The following PMEPA1 variants were observed in gnomAD, a reference collection of about 807,000 sequenced individuals.
The protein encoded by PMEPA1 is protein TMEPAI.
In PMEPA1, 11 loss-of-function variants were observed where a neutral mutation model predicts 23.0. That is an observed-to-expected ratio of 0.48 (90% CI 0.30 to 0.79). PMEPA1 has a LOEUF of 0.79. Ranked by LOEUF, PMEPA1 falls within the 30% of genes least tolerant of loss-of-function variation. The pLI is 0.06. For synonymous variants in PMEPA1, 204 were observed against 166.4 expected, an observed-to-expected ratio of 1.23 and a Z score of -1.74; for missense variants, 377 against 390.9, an observed-to-expected ratio of 0.96 and a Z score of 0.30.
rs1463517682 is a variant in PMEPA1 at position 57,653,083 on chromosome 20, C to T, written c.268G>A (p.Gly90Arg). The T allele has an allele frequency of 6.3e-7, 1 of 1,585,166 alleles. No individual in the cohort carries two copies. The highest frequency in any genetic ancestry group is 8.6e-7 in the Non-Finnish European group (1 of 1,165,140). The change falls in exon 3 of 4, where the codon GGA (glycine) becomes AGA (arginine). Residue 90 changes from glycine (G) to arginine (R), a missense_variant. Gly to Arg is a moderately radical substitution (Grantham distance 125). Coordinates refer to ENST00000341744, the MANE Select transcript of PMEPA1 (RefSeq NM_020182.5). ...RRREDALSSE[G>R]CLWPSESTVS... is the part of the protein sequence containing the mutation. ...GTGCTCTCCGAGGGCCACAGGCATCCTTCCTGCACAGGAAGAAACGTACAA... is the reference window on the plus strand; with the variant it reads ...GTGCTCTCCGAGGGCCACAGGCATCTTTCCTGCACAGGAAGAAACGTACAA...
intron 1 of PMEPA1, among the ~76,000 whole-genome samples, chr20:57,707,309 C>G (rs1350800656): frequency 6.6e-6 from 1 of 152,202 alleles, no homozygotes; most frequent in Non-Finnish European, 1.5e-5. Context: ...CACTTCCTCA[C>G]CCTAGTCTCT....
At chr20:57,702,757 C>G (rs961651841) in intron 1 of PMEPA1, among the ~76,000 whole-genome samples, 31 of 152,200 alleles carry the variant, frequency 2.0e-4, no homozygotes, top group African/African-American at 7.5e-4. Flanking sequence ...CAGATTGGTG[C>G]AATAGCTCTC....
intron 1 of PMEPA1, among the ~76,000 whole-genome samples, chr20:57,675,587 G>T (rs2071625890): frequency 6.6e-6 from 1 of 152,226 alleles, no homozygotes; most frequent in Non-Finnish European, 1.5e-5. Context: ...CGGTTTGGGG[G>T]AGGAGGGTCT....
intron 1 of PMEPA1, among the ~76,000 whole-genome samples, chr20:57,686,297 C>T (rs1011341554): frequency 2.0e-5 from 3 of 152,228 alleles, no homozygotes; most frequent in Non-Finnish European, 4.4e-5. Flanking sequence ...TTCACTCCAG[C>T]GACCTTTCTC....
intron 1 of PMEPA1, chr20:57,700,305 C>T: frequency 2.8e-6 from 1 of 360,396 alleles, no homozygotes; most frequent in Non-Finnish European, 5.6e-6. Context: ...CCACTTCCAC[C>T]AACTGTCAAA....
chr20:57,696,884 C>T (rs1568683951), intron 1 of PMEPA1, among the ~76,000 whole-genome samples: 1 of 152,228 alleles, frequency 6.6e-6, no homozygotes, highest in South Asian at 2.1e-4. Context: ...TCCGTTTACA[C>T]CCCTGATTTT....
chr20:57,689,366 T>C (rs2146694543), intron 1 of PMEPA1, among the ~76,000 whole-genome samples: 1 of 152,210 alleles, frequency 6.6e-6, no homozygotes, highest in South Asian at 2.1e-4. Flanking sequence ...GAAGGGGGTA[T>C]TGTGTGACCA....
At chr20:57,693,176 A>G (rs1367772978) in intron 1 of PMEPA1, among the ~76,000 whole-genome samples, 1 of 152,194 alleles carries the variant, frequency 6.6e-6, no homozygotes, top group Non-Finnish European at 1.5e-5. Context: ...AGGATCTCAC[A>G]TTCCAGCCGA....
chr20:57,698,870 C>T (rs1302421120), intron 1 of PMEPA1, among the ~76,000 whole-genome samples: 1 of 152,120 alleles, frequency 6.6e-6, no homozygotes, highest in African/African-American at 2.4e-5. Flanking sequence ...ATTTTTTATT[C>T]CTTAAATGTA....
Position 57,651,245 on chromosome 20 carries a change from T to G in PMEPA1, c.*808A>C, listed in dbSNP as rs2071223262. On this transcript the variant is annotated 3_prime_UTR_variant, in exon 4 of 4. Transcript: ENST00000341744. ...GATAACCTGTCACTAGGCAGAAGCA[T>G]CCACTCTGCAGGGACAGTGGCCCCT... 1 of 152,364 alleles carries G rather than the reference T, an allele frequency of 6.6e-6. No individual in the cohort carries two copies. The allele number at this position is 152,364 out of a possible 1,614,324, so 9.4% of individuals were successfully genotyped here.
At chr20:57,710,702 G>A (rs2072169335), upstream of PMEPA1, 2 of 473,338 alleles carry the variant, frequency 4.2e-6, no homozygotes, top group African/African-American at 2.0e-5. Context: ...GCTGCCCAAG[G>A]GGCCTCCGGC....
intron 2 of PMEPA1, among the ~76,000 whole-genome samples, chr20:57,658,108 C>A (rs2071353082): frequency 6.6e-6 from 1 of 152,206 alleles, no homozygotes; most frequent in Non-Finnish European, 1.5e-5. Context: ...GACATGGAGC[C>A]GGGAGTTCAC....
At chr20:57,696,239 G>T (rs544285460) in intron 1 of PMEPA1, among the ~76,000 whole-genome samples, 40 of 152,318 alleles carry the variant, frequency 2.6e-4, no homozygotes, top group African/African-American at 9.4e-4. Context: ...AGGCTCAGGG[G>T]AAGGTGGGCT....
At chr20:57,666,302 G>A (rs2071491463) in intron 1 of PMEPA1, among the ~76,000 whole-genome samples, 1 of 152,082 alleles carries the variant, frequency 6.6e-6, no homozygotes, top group African/African-American at 2.4e-5. Context: ...ACACTGGCAG[G>A]AGAGGAACCG....
intron 1 of PMEPA1, among the ~76,000 whole-genome samples, chr20:57,688,959 T>A (rs889708732): frequency 6.6e-6 from 1 of 152,232 alleles, no homozygotes; most frequent in Non-Finnish European, 1.5e-5. Context: ...GGCTCAGACC[T>A]GGCTGAGCGC....
At chr20:57,672,968 GAGTGA>G (rs2071589551) in intron 1 of PMEPA1, among the ~76,000 whole-genome samples, 1 of 152,214 alleles carries the variant, frequency 6.6e-6, no homozygotes, top group Admixed American at 6.5e-5. Context: ...GGATGCAGTG[GAGTGA>G]AGAGCCATAA....
rs2071735465 is a variant in PMEPA1 at position 57,682,652 on chromosome 20, T to C, written c.110-22955A>G. Among the ~76,000 whole-genome samples the C allele has an allele frequency of 8.4e-6, 1 of 118,710 alleles. No individual in the cohort carries two copies. The highest frequency in any genetic ancestry group is 3.6e-5 in the African/African-American group (1 of 27,964). 77.9% of individuals were successfully genotyped at this position (118,710 alleles called of 152,430 possible). ...GCTGTGACCCACACTCCTCCAGTTT[T>C]TGATTTAAAAAAAATCCCTGAAACA... On this transcript the variant is annotated intron_variant, in intron 1 of 3. Coordinates refer to ENST00000341744, the MANE Select transcript of PMEPA1 (RefSeq NM_020182.5). This position sits in a 1 kb window ranked among gnomAD's most constrained non-coding sequence, Gnocchi z 4.4.
intron 1 of PMEPA1, among the ~76,000 whole-genome samples, chr20:57,685,254 A>G (rs1405788427): frequency 6.6e-6 from 1 of 152,250 alleles, no homozygotes; most frequent in African/African-American, 2.4e-5. Flanking sequence ...CTGCCCGAGC[A>G]GGTGAAAAAT....
chr20:57,653,045 G>C lies in PMEPA1; in HGVS notation c.306C>G (p.Asn102Lys). 6 of 1,596,222 alleles carry C rather than the reference G, an allele frequency of 3.8e-6. No homozygotes were observed. Among genetic ancestry groups the C allele is most frequent in the Non-Finnish European group, 5.1e-6 (6 of 1,171,280 alleles). The change falls in exon 3 of 4, where the codon AAC (asparagine) becomes AAG (lysine). Residue 102 changes from asparagine (N) to lysine (K), a missense_variant. Asn to Lys is a moderately conservative substitution (Grantham distance 94). Transcript: ENST00000341744. Reference protein sequence around the residue: ...LWPSESTVSGNGIPEPQVYAP... With the variant: ...LWPSESTVSGKGIPEPQVYAP... ...AGGGAGGTCTCACCTCTGGGATTCC[G>C]TTGCCTGACACTGTGCTCTCCGAGG... is the stretch of plus-strand genomic sequence containing the variant.
Sources: gnomAD v4.1 joint callset for allele counts (sites outside exome capture counted in the v4.1 genomes callset) on GRCh38, gnomAD v4.1.1 for gene constraint, Gnocchi (gnomAD v3.1) non-coding constraint, MANE v1.5 for transcripts, NCBI Gene and HGNC (gene_info 2026-07-23, HGNC 2026-07-21) for gene names.